The following IGFBP2 variants were observed in gnomAD, a reference collection of about 807,000 sequenced individuals.
IGFBP2 encodes insulin-like growth factor-binding protein 2.
A neutral mutation model predicts 26.2 loss-of-function variants in IGFBP2; 12 were observed. The observed-to-expected ratio is 0.46, with a 90% CI of 0.29 to 0.74. The LOEUF (loss-of-function observed/expected upper bound fraction) is 0.74, where lower values mean the gene tolerates loss of function less well. Among genes scored for constraint, IGFBP2 ranks in the 30% least tolerant of loss-of-function variants. The pLI is 0.09. For synonymous variants in IGFBP2, 189 were observed against 200.6 expected, an observed-to-expected ratio of 0.94 and a Z score of 0.49; for missense variants, 328 against 441.2, an observed-to-expected ratio of 0.74 and a Z score of 2.30.
intron 1 of IGFBP2, among the ~76,000 whole-genome samples, chr2:216,659,137 G>T (rs1697979565): frequency 1.3e-5 from 2 of 152,206 alleles, no homozygotes; most frequent in Non-Finnish European, 2.9e-5. Context: ...GAGGGGAAAG[G>T]ACAGGGACAG....
chr2:216,653,573 G>A (rs1041866547), intron 1 of IGFBP2, among the ~76,000 whole-genome samples: 5 of 152,196 alleles, frequency 3.3e-5, no homozygotes, highest in Non-Finnish European at 5.9e-5. Context: ...GAATTCAAAT[G>A]GTAGTCCATC....
Position 216,633,579 on chromosome 2 carries a change from CGCTGCT to C in IGFBP2, c.66_71del (p.Leu24_Leu25del). On this transcript the variant is annotated inframe_deletion, in exon 1 of 4. Coordinates refer to ENST00000233809, the MANE Select transcript of IGFBP2 (RefSeq NM_000597.3). ...CCGCTGCCGCCGCCGCCGCTGCTGC[CGCTGCT>C]GCTGCTGCTACTGGGCGCGAGTGGC... 2 of 1,016,398 alleles carry C rather than the reference CGCTGCT, an allele frequency of 2.0e-6. No individual in the cohort carries two copies. Among genetic ancestry groups the C allele is most frequent in the Non-Finnish European group, 2.3e-6 (2 of 853,442 alleles). 63.0% of individuals were successfully genotyped at this position (1,016,398 alleles called of 1,614,324 possible).
intron 1 of IGFBP2, among the ~76,000 whole-genome samples, chr2:216,648,694 C>T (rs1574560349): frequency 6.6e-6 from 1 of 152,126 alleles, no homozygotes; most frequent in East Asian, 1.9e-4. Flanking sequence ...CTGCAACCTT[C>T]GCCTCCCGGG....
chr2:216,661,678 C>T, intron 2 of IGFBP2, 180 bp from the exon 3 acceptor site: 5 of 707,320 alleles, frequency 7.1e-6, no homozygotes, highest in Non-Finnish European at 2.5e-6. Flanking sequence ...GGGTTGGGCA[C>T]CCAGCATGGC....
In IGFBP2 at chr2:216,635,919, C is replaced by A. The variant is rs542929435; in HGVS notation, c.442+1954C>A. ...CGCCTTCCGCATTTTTGTGCACCGG[C>A]CTGGGAAGAGGGGATGTTAAGCAGG... On this transcript the variant is annotated intron_variant, in intron 1 of 3. Transcript: ENST00000233809. 3.9e-5 allele frequency among the ~76,000 whole-genome samples: 6 copies of A among 152,056 alleles called. No individual in the cohort carries two copies. The South Asian group carries it at 6.2e-4, about 16-fold the overall frequency.
At chr2:216,635,070 C>T (rs1032791169) in intron 1 of IGFBP2, among the ~76,000 whole-genome samples, 1 of 151,910 alleles carries the variant, frequency 6.6e-6, no homozygotes, top group Non-Finnish European at 1.5e-5. Context: ...AAGAAGAATG[C>T]TTGCTTTTTA....
chr2:216,640,887 C>G (rs1363088553), intron 1 of IGFBP2, among the ~76,000 whole-genome samples: 3 of 152,178 alleles, frequency 2.0e-5, no homozygotes, highest in Admixed American at 2.0e-4. Flanking sequence ...GGGGACCTCA[C>G]AGTTGTAAGT....
In IGFBP2 at chr2:216,664,264, G is replaced by A. The variant is rs1688717233; in HGVS notation, c.*160G>A. ...CCAGCACCGAGCTCGGCACCTCCCCGGCCTCTCTCTTCCCAGCTGCAGATG... is the reference window on the plus strand; with the variant it reads ...CCAGCACCGAGCTCGGCACCTCCCCAGCCTCTCTCTTCCCAGCTGCAGATG... On this transcript the variant is annotated 3_prime_UTR_variant, in exon 4 of 4. Coordinates refer to ENST00000233809, the MANE Select transcript of IGFBP2 (RefSeq NM_000597.3). The surrounding 1 kb of genome is among the most constrained non-coding windows in gnomAD (Gnocchi z 4.6). 9.6e-6 allele frequency: 5 copies of A among 521,656 alleles called. No individual in the cohort carries two copies. The highest frequency in any genetic ancestry group is 1.3e-5 in the Non-Finnish European group (4 of 309,482). The allele number at this position is 521,656 out of a possible 1,614,324, so 32.3% of individuals were successfully genotyped here. A position where few individuals can be genotyped will look rare whatever the true frequency, so the allele number is the denominator to read the frequency against.
rs571117443 is a variant in IGFBP2 at position 216,658,408 on chromosome 2, C to T, written c.443-2149C>T. Among the ~76,000 whole-genome samples the T allele has an allele frequency of 5.3e-5, 8 of 152,206 alleles. No homozygotes were observed. In the South Asian group the frequency reaches 1.7e-3, roughly 32 times the overall value. On this transcript the variant is annotated intron_variant, in intron 1 of 3. Coordinates refer to ENST00000233809, the MANE Select transcript of IGFBP2 (RefSeq NM_000597.3). ...GCTTATTTTCCTTGGTTTCCCTGTT[C>T]TCGGTTGGGTTCCATGCTGCTGAAG...
intron 1 of IGFBP2, among the ~76,000 whole-genome samples, chr2:216,653,008 G>T (rs1246196106): frequency 1.3e-5 from 2 of 152,148 alleles, no homozygotes; most frequent in Non-Finnish European, 2.9e-5. Flanking sequence ...CTGGAAAATG[G>T]TAAGTCTTTC....
chr2:216,659,567 G>T, intron 1 of IGFBP2: 2 of 660,858 alleles, frequency 3.0e-6, no homozygotes, highest in South Asian at 1.7e-5. Flanking sequence ...TCTGCCGTGC[G>T]ATTCAGATCC....
intron 1 of IGFBP2, among the ~76,000 whole-genome samples, chr2:216,657,903 T>A (rs1009515642): frequency 5.3e-5 from 8 of 152,204 alleles, no homozygotes; most frequent in African/African-American, 1.7e-4. Context: ...ATTTAACATT[T>A]AAATTTTTTT....
intron 1 of IGFBP2, among the ~76,000 whole-genome samples, chr2:216,639,718 C>T (rs367547690): frequency 3.3e-4 from 51 of 152,260 alleles, no homozygotes; most frequent in Admixed American, 1.0e-3. Flanking sequence ...TCTCGGTTCA[C>T]GGCAACCTCT....
In IGFBP2 at chr2:216,664,374, A is replaced by T; in HGVS notation, c.*270A>T. On this transcript the variant is annotated 3_prime_UTR_variant, in exon 4 of 4. Transcript: ENST00000233809. The surrounding 1 kb of genome is among the most constrained non-coding windows in gnomAD (Gnocchi z 4.6). ...GGGTACAGGTTTGGGGAGGGGGAAG[A>T]GAAATTTTTATTTTTGAACCCCTGT... 6.0e-6 allele frequency: 2 copies of T among 332,146 alleles called. No homozygotes were observed. The highest frequency in any genetic ancestry group is 5.5e-6 in the Non-Finnish European group (1 of 183,026). 20.6% of individuals were successfully genotyped at this position (332,146 alleles called of 1,614,324 possible).
upstream of IGFBP2, chr2:216,633,407 G>C (rs539924833): frequency 2.1e-4 from 35 of 169,390 alleles, 2 homozygotes; most frequent in South Asian, 1.8e-3. Flanking sequence ...ACCCGGCTGC[G>C]GCGGCGAGGG....
intron 1 of IGFBP2, among the ~76,000 whole-genome samples, chr2:216,642,442 G>A (rs1416811925): frequency 6.6e-6 from 1 of 150,986 alleles, no homozygotes; most frequent in Admixed American, 6.6e-5. Flanking sequence ...CAGCAGCTGG[G>A]ACTACAGGCG....
chr2:216,632,919 C>A (rs1391667047), upstream of IGFBP2: 1 of 152,194 alleles, frequency 6.6e-6, no homozygotes, highest in Non-Finnish European at 1.5e-5. Flanking sequence ...GCAGGACCCA[C>A]CCAACAAGAA....
chr2:216,639,150 A>C (rs1697563687), intron 1 of IGFBP2, among the ~76,000 whole-genome samples: 1 of 151,430 alleles, frequency 6.6e-6, no homozygotes, highest in Non-Finnish European at 1.5e-5. Context: ...GTCCTGCCTC[A>C]GCCTCCCGAG....
intron 1 of IGFBP2, among the ~76,000 whole-genome samples, chr2:216,644,343 G>A (rs1201495788): frequency 6.6e-6 from 1 of 152,134 alleles, no homozygotes; most frequent in African/African-American, 2.4e-5. Context: ...TCGTCCATAG[G>A]CCCTGGTGGA....
Sources: gnomAD v4.1 joint callset for allele counts (sites outside exome capture counted in the v4.1 genomes callset) on GRCh38, gnomAD v4.1.1 for gene constraint, Gnocchi (gnomAD v3.1) non-coding constraint, MANE v1.5 for transcripts, NCBI Gene and HGNC (gene_info 2026-07-23, HGNC 2026-07-21) for gene names.